XRRA1: variants seen among roughly 807,000 people sequenced by gnomAD.
XRRA1 encodes the protein X-ray radiation resistance-associated protein 1.
Under a neutral mutation model 80.2 loss-of-function variants are expected in XRRA1, and 69 were observed. That is an observed-to-expected ratio of 0.86 (90% CI 0.71 to 1.05). The LOEUF (loss-of-function observed/expected upper bound fraction) is 1.05, where lower values mean the gene tolerates loss of function less well. XRRA1 is among the 50% of genes least tolerant of loss of function. The pLI is 0.00. For missense variants in XRRA1, 967 were observed against 976.4 expected (o/e 0.99, Z 0.13); for synonymous variants, 348 against 389.9 (o/e 0.89, Z 1.27).
chr11:74,857,559 T>C (rs1042106667), intron 12 of XRRA1, among the ~76,000 whole-genome samples: 1 of 152,190 alleles, frequency 6.6e-6, no homozygotes, highest in African/African-American at 2.4e-5. Context: ...CAGTGATTGA[T>C]AGAACAACTA....
chr11:74,858,312 A>G (rs879300581), intron 12 of XRRA1, among the ~76,000 whole-genome samples: 2 of 152,232 alleles, frequency 1.3e-5, no homozygotes, highest in Admixed American at 1.3e-4. Context: ...AGTCTTTTCA[A>G]TAAGTGGTAT....
At chr11:74,852,186 G>A in intron 12 of XRRA1, 104 bp from the exon 13 acceptor site, 1 of 909,314 alleles carries the variant, frequency 1.1e-6, no homozygotes, top group Non-Finnish European at 1.8e-6. Context: ...CTAGGATTGG[G>A]GGTGGTATTG....
Position 74,948,084 on chromosome 11 carries a change from C to A in XRRA1, c.-73+844G>T, listed in dbSNP as rs528075793. Among the ~76,000 whole-genome samples the A allele has an allele frequency of 2.0e-5, 3 of 152,286 alleles. No homozygotes were observed. The East Asian group carries it at 5.8e-4, about 29-fold the overall frequency. ...TTGTCTGTTTTATTCAGGGATATAT[C>A]CCTGGTGACTAGAATAGTGCCTGTT... is the stretch of plus-strand genomic sequence containing the variant. On this transcript the variant is annotated intron_variant, in intron 1 of 18. Transcript: ENST00000684022.
At chr11:74,927,908 A>G (rs926030920) in intron 6 of XRRA1, among the ~76,000 whole-genome samples, 1 of 152,254 alleles carries the variant, frequency 6.6e-6, no homozygotes, top group Non-Finnish European at 1.5e-5. Context: ...TTCCATATAT[A>G]GCACTCAACT....
intron 12 of XRRA1, among the ~76,000 whole-genome samples, chr11:74,852,571 A>C (rs138305678): frequency 0.01 from 1,564 of 152,252 alleles, 32 homozygotes; most frequent in African/African-American, 0.034. Context: ...AGTCCTGGGC[A>C]CTTATTTGGG....
In XRRA1 at chr11:74,848,542, T is replaced by C. The variant is rs1591529071; in HGVS notation, c.1381-80A>G. 4 of 1,297,692 alleles carry C rather than the reference T, an allele frequency of 3.1e-6. No homozygotes were observed. The East Asian group carries it at 1.0e-4, about 33-fold the overall frequency. 80.4% of individuals were successfully genotyped at this position (1,297,692 alleles called of 1,614,324 possible). ...CTGGGCCTCACTAGCCTAAGGCCAC[T>C]TGTATAGCAGCCGGAGTGCTGGGTA... On this transcript the variant is annotated intron_variant, in intron 14 of 18. Coordinates refer to ENST00000684022, the MANE Select transcript of XRRA1 (RefSeq NM_001378157.1).
intron 6 of XRRA1, among the ~76,000 whole-genome samples, chr11:74,928,862 A>T (rs1406004684): frequency 6.6e-6 from 1 of 152,084 alleles, no homozygotes; most frequent in East Asian, 1.9e-4. Context: ...TACCTCCAAG[A>T]TGCTACACCA....
intron 2 of XRRA1, among the ~76,000 whole-genome samples, chr11:74,941,933 G>A (rs1244215223): frequency 6.6e-6 from 1 of 152,164 alleles, no homozygotes; most frequent in African/African-American, 2.4e-5. Context: ...GCAACACAGT[G>A]AGACCCTGTC....
rs1372035131 is a variant in XRRA1, at chr11:74,907,244, T to C, written c.686A>G (p.Lys229Arg). ...QEASVTSLTS[K>R]RYILRFPALE... ...CGCTGGGAACCTCAGGATGTACCTC[T>C]TGCTTGTCAGCGATGTTACAGATGC... Residue 229 changes from lysine (K) to arginine (R), a missense_variant, in exon 9 of 19, where the codon AAG becomes AGG. Lys to Arg is a conservative substitution (Grantham distance 26). Coordinates refer to ENST00000684022, the MANE Select transcript of XRRA1 (RefSeq NM_001378157.1). 38 of 1,613,866 alleles carry C rather than the reference T, an allele frequency of 2.4e-5. No individual in the cohort carries two copies. Among genetic ancestry groups the C allele is most frequent in the Non-Finnish European group, 3.1e-5 (36 of 1,179,890 alleles).
At chr11:74,924,553 G>A (rs892819951) in intron 7 of XRRA1, among the ~76,000 whole-genome samples, 3 of 152,116 alleles carry the variant, frequency 2.0e-5, no homozygotes, top group Non-Finnish European at 1.5e-5. Flanking sequence ...GAAGTTTTAG[G>A]CTGGGCGTGG....
chr11:74,884,771 G>C (rs1217915546), intron 10 of XRRA1, among the ~76,000 whole-genome samples: 1 of 152,168 alleles, frequency 6.6e-6, no homozygotes, highest in Non-Finnish European at 1.5e-5. Flanking sequence ...CTGGGACACA[G>C]CTAAGGTAGT....
intron 10 of XRRA1, among the ~76,000 whole-genome samples, chr11:74,871,946 C>G (rs2044888608): frequency 6.6e-6 from 1 of 152,118 alleles, no homozygotes; most frequent in Admixed American, 6.5e-5. Context: ...CTGCATGCAT[C>G]AGAGAAATTT....
At chr11:74,948,316 A>G (rs945785407) in intron 1 of XRRA1, among the ~76,000 whole-genome samples, 1 of 150,934 alleles carries the variant, frequency 6.6e-6, no homozygotes, top group Admixed American at 6.6e-5. Context: ...TTGGTGCTCA[A>G]TATACATTTG....
intron 10 of XRRA1, among the ~76,000 whole-genome samples, chr11:74,874,108 C>A (rs559698883): frequency 1.3e-5 from 2 of 151,800 alleles, no homozygotes; most frequent in Non-Finnish European, 2.9e-5. Flanking sequence ...TGGTGGCACA[C>A]GCCTGTATTC....
At position 74,848,184 on chromosome 11, in the gene XRRA1, A is replaced by G. The variant is rs760253007; in HGVS notation, c.1659T>C (p.Thr553=). 4.3e-6 allele frequency: 7 copies of G among 1,613,774 alleles called. No individual in the cohort carries two copies. The highest frequency in any genetic ancestry group is 5.9e-6 in the Non-Finnish European group (7 of 1,179,874). The part of the protein sequence containing the change: ...EETLSHLSDT[T]VRLSPERPSD... Reference sequence around the variant, plus strand: ...ATGGGCGCTCTGGGCTGAGGCGGACAGTTGTGTCACTCAGGTGGGACAGGG... The same window carrying G: ...ATGGGCGCTCTGGGCTGAGGCGGACGGTTGTGTCACTCAGGTGGGACAGGG... The change falls in exon 15 of 19, where the codon ACT becomes ACC. Residue 553 remains threonine (T), a synonymous_variant. Coordinates refer to ENST00000684022, the MANE Select transcript of XRRA1 (RefSeq NM_001378157.1).
chr11:74,874,254 AAAAAAAAAG>A (rs2045565986), intron 10 of XRRA1, among the ~76,000 whole-genome samples: 10 of 150,752 alleles, frequency 6.6e-5, no homozygotes, highest in African/African-American at 2.2e-4. Flanking sequence ...AAAAAAAAAA[AAAAAAAAAG>A]AAAGAAACTC....
At chr11:74,871,632 T>C (rs1263531466) in intron 10 of XRRA1, among the ~76,000 whole-genome samples, 7 of 152,032 alleles carry the variant, frequency 4.6e-5, no homozygotes, top group Admixed American at 3.9e-4. Flanking sequence ...GTCCCCCTTA[T>C]TTAGGGCCCC....
At chr11:74,924,071 G>A (rs1941604385) in intron 7 of XRRA1, among the ~76,000 whole-genome samples, 3 of 151,854 alleles carry the variant, frequency 2.0e-5, no homozygotes. Context: ...TGAACCTCTG[G>A]GCTCAAGCGA....
chr11:74,886,821 A>AG, intron 10 of XRRA1, among the ~76,000 whole-genome samples: 1 of 152,358 alleles, frequency 6.6e-6, no homozygotes, highest in South Asian at 2.1e-4. Context: ...AAACTATACT[A>AG]CAAGGCTACA....
Sources: gnomAD v4.1 joint callset for allele counts (sites outside exome capture counted in the v4.1 genomes callset) on GRCh38, gnomAD v4.1.1 for gene constraint, MANE v1.5 for transcripts, NCBI Gene and HGNC (gene_info 2026-07-23, HGNC 2026-07-21) for gene names.